Variants in MRS2 observed in about 807,000 individuals in gnomAD.
MRS2 encodes magnesium transporter MRS2, also known as magnesium transporter MRS2 homolog, mitochondrial.
In MRS2, 40 loss-of-function variants were observed where a neutral mutation model predicts 52.6. The observed-to-expected ratio is 0.76, with a 90% CI of 0.59 to 0.99. The LOEUF (loss-of-function observed/expected upper bound fraction) is 0.99, where lower values mean the gene tolerates loss of function less well. MRS2 is among the 50% of genes least tolerant of loss of function. MRS2 has a pLI of 0.00. For missense variants in MRS2, 472 were observed against 532.7 expected (o/e 0.89, Z 1.12); for synonymous variants, 193 against 195.9 (o/e 0.98, Z 0.13).
In MRS2 at chr6:24,415,119, T is replaced by C. The variant is rs367916440; in HGVS notation, c.675T>C (p.Ser225=). Residue 225 remains serine (S), a synonymous_variant, in exon 6 of 11, where the codon TCT becomes TCC. Transcript: ENST00000378386. ...LDALVDPKHS[S]VDRSKLHILL... is the part of the protein sequence containing the mutation. ...CTTTGGTGGACCCCAAACATTCTTCTGTAGACAGAAGCAAACTGCACATTT... is the reference window on the plus strand; with the variant it reads ...CTTTGGTGGACCCCAAACATTCTTCCGTAGACAGAAGCAAACTGCACATTT... The C allele has an allele frequency of 5.0e-6, 8 of 1,609,304 alleles. No homozygotes were observed. The Admixed American group carries it at 8.3e-5, about 17-fold the overall frequency.
At chr6:24,420,549 C>T (rs551604755) in intron 9 of MRS2, among the ~76,000 whole-genome samples, 9 of 152,244 alleles carry the variant, frequency 5.9e-5, no homozygotes, top group African/African-American at 9.6e-5. Context: ...TCTGCCCTTG[C>T]GTAGGTTATA....
In MRS2 at chr6:24,423,772, TATA is replaced by T. The variant is rs951759647; in HGVS notation, c.*79_*81del. 58 of 640,758 alleles carry T rather than the reference TATA, an allele frequency of 9.1e-5. No homozygotes were observed. In the Admixed American group the frequency reaches 1.1e-3, roughly 13 times the overall value. 39.7% of individuals were successfully genotyped at this position (640,758 alleles called of 1,614,324 possible). ...TGATACTCTTTTTATTATTTTCTTG[TATA>T]GAGTCAGACACTTGAAAAAAACTAA... On this transcript the variant is annotated 3_prime_UTR_variant, in exon 11 of 11. Coordinates refer to ENST00000378386, the MANE Select transcript of MRS2 (RefSeq NM_020662.4).
rs1213352360 is a variant in MRS2 at position 24,425,046 on chromosome 6, A to AC, written c.*1354dup. The AC allele has an allele frequency of 1.3e-5, 2 of 152,234 alleles. No homozygotes were observed. The highest frequency in any genetic ancestry group is 2.9e-5 in the Non-Finnish European group (2 of 68,046). The allele number at this position is 152,234 out of a possible 1,614,324, so 9.4% of individuals were successfully genotyped here. A position where few individuals can be genotyped will look rare whatever the true frequency, so the allele number is the denominator to read the frequency against. On this transcript the variant is annotated 3_prime_UTR_variant, in exon 11 of 11. Transcript: ENST00000378386. ...TCGAGCACGCAGTGGCCCCTGTGCC[A>AC]CCACACTGTGGGTCAGGAACACGCG... is the stretch of plus-strand genomic sequence containing the variant.
intron 5 of MRS2, 57 bp from the exon 6 acceptor site, chr6:24,414,976 C>G: frequency 1.4e-6 from 2 of 1,456,346 alleles, no homozygotes; most frequent in Non-Finnish European, 1.9e-6. Context: ...ATTCACTGAT[C>G]CTGAATATTC....
intron 5 of MRS2, among the ~76,000 whole-genome samples, chr6:24,414,765 G>T (rs1761790754): frequency 6.6e-6 from 1 of 152,210 alleles, no homozygotes; most frequent in Non-Finnish European, 1.5e-5. Flanking sequence ...GGGGCGGCTG[G>T]CCGGGCGGGA....
At chr6:24,405,789 C>CTTAA (rs1761451279) in intron 2 of MRS2, among the ~76,000 whole-genome samples, 2 of 109,908 alleles carry the variant, frequency 1.8e-5, no homozygotes, top group Non-Finnish European at 1.9e-5. Flanking sequence ...TTTTTTTTTC[C>CTTAA]AAAAAAAAAA....
intron 1 of MRS2, among the ~76,000 whole-genome samples, chr6:24,404,743 C>T (rs2127280000): frequency 6.6e-6 from 1 of 152,284 alleles, no homozygotes; most frequent in South Asian, 2.1e-4. Context: ...CTTGAAAGAT[C>T]AGGTGGTACT....
intron 9 of MRS2, among the ~76,000 whole-genome samples, chr6:24,422,069 G>T (rs1264491851): frequency 2.6e-5 from 4 of 152,170 alleles, no homozygotes; most frequent in African/African-American, 9.7e-5. Context: ...AGAATCGCTT[G>T]AATCAGGTAG....
At chr6:24,420,902 C>A (rs115180313) in intron 9 of MRS2, among the ~76,000 whole-genome samples, 1 of 152,094 alleles carries the variant, frequency 6.6e-6, no homozygotes, top group East Asian at 1.9e-4. Context: ...ATGTCAGTGA[C>A]GTAGAGCGTG....
At position 24,423,585 on chromosome 6, in the gene MRS2, T is replaced by C; in HGVS notation, c.1223T>C (p.Met408Thr). 1 of 1,563,902 alleles carries C rather than the reference T, an allele frequency of 6.4e-7. No homozygotes were observed. The highest frequency in any genetic ancestry group is 1.1e-5 in the South Asian group (1 of 89,134). Reference sequence around the variant, plus strand: ...AATTAATACTTCTGCTTTATTTAGATGGCTTCTTTACCTAAAAAGACTCTT... The same window carrying C: ...AATTAATACTTCTGCTTTATTTAGACGGCTTCTTTACCTAAAAAGACTCTT... ...RQLEAPLPPM[M>T]ASLPKKTLLA... is the part of the protein sequence containing the mutation. The change falls in exon 11 of 11, where the codon ATG (methionine) becomes ACG (threonine). Residue 408 changes from methionine (M) to threonine (T), a missense_variant and splice_region_variant. Met to Thr is a moderately conservative substitution (Grantham distance 81). Transcript: ENST00000378386.
rs1762154362 is a variant in MRS2, at chr6:24,424,244, A to G, written c.*550A>G. On this transcript the variant is annotated 3_prime_UTR_variant, in exon 11 of 11. Transcript: ENST00000378386. ...CCTTTTTTTTATAAAAGGTGAATAA[A>G]AAGAAATAATTTAATATCACCATTG... 1 of 151,960 alleles carries G rather than the reference A, an allele frequency of 6.6e-6. No individual in the cohort carries two copies. Among genetic ancestry groups the G allele is most frequent in the African/African-American group, 2.4e-5 (1 of 41,228 alleles). 9.4% of individuals were successfully genotyped at this position (151,960 alleles called of 1,614,324 possible). A position where few individuals can be genotyped will look rare whatever the true frequency, so the allele number is the denominator to read the frequency against.
intron 2 of MRS2, 34 bp downstream of exon 2, chr6:24,405,275 A>G (rs776341968): frequency 4.7e-6 from 7 of 1,503,916 alleles, no homozygotes; most frequent in Middle Eastern, 1.7e-4. Flanking sequence ...AATCGTACAG[A>G]AAGTGCTTCC....
At chr6:24,405,808 G>A (rs1459375423) in intron 2 of MRS2, among the ~76,000 whole-genome samples, 1 of 132,694 alleles carries the variant, frequency 7.5e-6, no homozygotes. Flanking sequence ...AAAAAGTCTT[G>A]ATAAAAAGGT....
At position 24,408,442 on chromosome 6, in the gene MRS2, T is replaced by G. The variant is rs746497652; in HGVS notation, c.299T>G (p.Phe100Cys). The change falls in exon 3 of 11, where the codon TTT becomes TGT. Residue 100 changes from phenylalanine (F) to cysteine (C), a missense_variant and splice_region_variant. By Grantham distance (205) the Phe-to-Cys change is radical. Coordinates refer to ENST00000378386, the MANE Select transcript of MRS2 (RefSeq NM_020662.4). ...GACAAACAGGGAAACGTTACTTCTT[T>G]TGGTGAGTGATTAGCATTCTAAATC... is the stretch of plus-strand genomic sequence containing the variant. ...KFDKQGNVTSFERKKTELYQE... is the reference protein window; with the variant it reads ...KFDKQGNVTSCERKKTELYQE... 1 of 1,580,584 alleles carries G rather than the reference T, an allele frequency of 6.3e-7. No homozygotes were observed. Among genetic ancestry groups the G allele is most frequent in the South Asian group, 1.1e-5 (1 of 89,870 alleles).
intron 10 of MRS2, chr6:24,423,252 A>G (rs1284924300): frequency 3.6e-6 from 2 of 548,572 alleles, no homozygotes; most frequent in South Asian, 2.5e-5. Flanking sequence ...CAATATGTGT[A>G]AAGCACTTAC....
chr6:24,414,631 A>G (rs1277345), intron 5 of MRS2, among the ~76,000 whole-genome samples: 141,279 of 152,178 alleles, frequency 0.93, 66,132 homozygotes, highest in East Asian at 1. Context: ...AACCGCCATC[A>G]TCATCGTGGC....
intron 3 of MRS2, among the ~76,000 whole-genome samples, chr6:24,409,009 G>A (rs1761565625): frequency 6.6e-6 from 1 of 152,026 alleles, no homozygotes; most frequent in South Asian, 2.1e-4. Context: ...ATCAGTCTCA[G>A]GTAATAAATT....
At position 24,403,152 on chromosome 6, in the gene MRS2, G is replaced by A. The variant is rs775117818; in HGVS notation, c.106G>A (p.Val36Ile). 20 of 1,610,182 alleles carry A rather than the reference G, an allele frequency of 1.2e-5. No homozygotes were observed. Among genetic ancestry groups the A allele is most frequent in the Non-Finnish European group, 1.5e-5 (18 of 1,179,900 alleles). The change falls in exon 1 of 11, where the codon GTT becomes ATT. Residue 36 changes from valine (V) to isoleucine (I), a missense_variant. Coordinates refer to ENST00000378386, the MANE Select transcript of MRS2 (RefSeq NM_020662.4). ...GGACGTGACCTCTGTGGGTCCTCCC[G>A]TTGCTGCCTGCGGCCGCCGAGCCAA... ...ALDVTSVGPP[V>I]AACGRRANLI...
intron 8 of MRS2, 45 bp downstream of exon 8, chr6:24,418,281 T>A (rs1451567116): frequency 2.2e-6 from 3 of 1,376,598 alleles, no homozygotes; most frequent in Admixed American, 4.8e-5. Context: ...ATAAAATAAT[T>A]ATAAGAAAGT....
Sources: gnomAD v4.1 joint callset for allele counts (sites outside exome capture counted in the v4.1 genomes callset) on GRCh38, gnomAD v4.1.1 for gene constraint, MANE v1.5 for transcripts, NCBI Gene and HGNC (gene_info 2026-07-23, HGNC 2026-07-21) for gene names.